CD38: variants seen among roughly 807,000 people sequenced by gnomAD.
CD38 encodes ADP-ribosyl cyclase/cyclic ADP-ribose hydrolase 1.
Under a neutral mutation model 36.3 loss-of-function variants are expected in CD38, and 31 were observed. The observed-to-expected ratio is 0.85, with a 90% CI of 0.64 to 1.15. The LOEUF (loss-of-function observed/expected upper bound fraction) is 1.15, where lower values mean the gene tolerates loss of function less well. Ranked by LOEUF, CD38 falls within the 50% of genes most tolerant of loss-of-function variation. The pLI is 0.00. For missense variants in CD38, 380 were observed against 371.9 expected (o/e 1.02, Z -0.18); for synonymous variants, 131 against 135.2 (o/e 0.97, Z 0.22).
At chr4:15,807,085 A>C (rs1723358718) in intron 1 of CD38, among the ~76,000 whole-genome samples, 1 of 152,178 alleles carries the variant, frequency 6.6e-6, no homozygotes, top group Admixed American at 6.5e-5. Flanking sequence ...TGCTCTCTGC[A>C]AGAAGGGAGG....
intron 1 of CD38, among the ~76,000 whole-genome samples, chr4:15,814,522 A>ATGT (rs1220933805): frequency 6.6e-6 from 1 of 152,150 alleles, no homozygotes; most frequent in East Asian, 1.9e-4. Context: ...GCCCATGCCT[A>ATGT]TGTCCTGAAT....
intron 7 of CD38, among the ~76,000 whole-genome samples, chr4:15,840,969 A>T (rs1281714851): frequency 6.6e-6 from 1 of 152,144 alleles, no homozygotes; most frequent in Non-Finnish European, 1.5e-5. Flanking sequence ...CCTTAGTTGG[A>T]TCTGAGTACA....
In CD38 at chr4:15,799,421, T is replaced by C. The variant is rs148010587; in HGVS notation, c.234-17090T>C. ...AAATTACTAATGCTTTGATATCCAA[T>C]AGAACATGTCTGCTTTCTGTTACGG... On this transcript the variant is annotated intron_variant, in intron 1 of 7. Transcript: ENST00000226279. Among the ~76,000 whole-genome samples, 15 of 152,328 alleles carry C rather than the reference T, an allele frequency of 9.8e-5. No homozygotes were observed. In the East Asian group the frequency reaches 2.3e-3, roughly 24 times the overall value.
intron 3 of CD38, chr4:15,826,157 A>C (rs1324781371): frequency 2.0e-5 from 3 of 152,202 alleles, no homozygotes. Context: ...GCATAAAAGC[A>C]AAAAGCAAAT....
chr4:15,810,338 C>T (rs1723441813), intron 1 of CD38, among the ~76,000 whole-genome samples: 1 of 152,150 alleles, frequency 6.6e-6, no homozygotes, highest in East Asian at 1.9e-4. Context: ...TGTAGGTGCT[C>T]AGTGCACATG....
chr4:15,816,529 T>C lies in CD38; in HGVS notation c.252T>C (p.Ser84=). The C allele has an allele frequency of 6.2e-7, 1 of 1,613,240 alleles. No homozygotes were observed. The highest frequency in any genetic ancestry group is 8.5e-7 in the Non-Finnish European group (1 of 1,179,262). Reference sequence around the variant, plus strand: ...ATCTCAGACATGTAGACTGCCAAAGTGTATGGGATGCTTTCAAGGGTGCAT... The same window carrying C: ...ATCTCAGACATGTAGACTGCCAAAGCGTATGGGATGCTTTCAAGGGTGCAT... ...HPEMRHVDCQ[S]VWDAFKGAFI... Residue 84 remains serine, a synonymous_variant, in exon 2 of 8, where the codon AGT becomes AGC. Transcript: ENST00000226279.
chr4:15,817,563 TA>T (rs1243513938), intron 2 of CD38, among the ~76,000 whole-genome samples: 1 of 152,072 alleles, frequency 6.6e-6, no homozygotes, highest in Non-Finnish European at 1.5e-5. Flanking sequence ...TTATCTCAGT[TA>T]ATTTCCCTAG....
rs115014413 is a variant in CD38, at chr4:15,784,452, C to T, written c.233+5805C>T. 4.5e-3 allele frequency among the ~76,000 whole-genome samples: 691 copies of T among 152,224 alleles called. 7 individuals are homozygous for T. The highest frequency in any genetic ancestry group is 0.016 in the African/African-American group (660 of 41,536). ...AGATTGGCCAATTGATTGACTAAAC[C>T]CTTAAAGGTTTGGGGATCTTGGGGA... is the stretch of plus-strand genomic sequence containing the variant. On this transcript the variant is annotated intron_variant, in intron 1 of 7. Transcript: ENST00000226279.
chr4:15,840,467 T>G lies in CD38; in HGVS notation c.768T>G (p.Asp256Glu), dbSNP rs201320129. ...GREDSRDLCQ[D>E]PTIKELESII... ...TCTTCCCCAGAGACTTATGCCAGGA[T>G]CCCACCATAAAAGAGCTGGAATCGA... is the stretch of plus-strand genomic sequence containing the variant. Residue 256 changes from aspartate (D) to glutamate (E), a missense_variant, in exon 7 of 8, where the codon GAT becomes GAG. Coordinates refer to ENST00000226279, the MANE Select transcript of CD38 (RefSeq NM_001775.4). The G allele has an allele frequency of 2.1e-4, 338 of 1,602,078 alleles. 4 individuals carry two copies. The South Asian group carries it at 3.4e-3, about 16-fold the overall frequency.
chr4:15,836,054 T>G (rs1239405964), intron 4 of CD38, among the ~76,000 whole-genome samples: 1 of 152,114 alleles, frequency 6.6e-6, no homozygotes, highest in Non-Finnish European at 1.5e-5. Context: ...AAAATTAAAC[T>G]TAGACATCTG....
intron 3 of CD38, among the ~76,000 whole-genome samples, chr4:15,828,176 G>C (rs1406741928): frequency 6.6e-6 from 1 of 151,866 alleles, no homozygotes; most frequent in Non-Finnish European, 1.5e-5. Context: ...CACCACACTT[G>C]GCTAATTTTT....
At chr4:15,833,053 C>T (rs1723990265) in intron 3 of CD38, among the ~76,000 whole-genome samples, 1 of 152,200 alleles carries the variant, frequency 6.6e-6, no homozygotes, top group African/African-American at 2.4e-5. Context: ...TGTTAATATT[C>T]CAAGGCCCAA....
At chr4:15,814,149 C>A (rs185203437) in intron 1 of CD38, among the ~76,000 whole-genome samples, 1 of 152,170 alleles carries the variant, frequency 6.6e-6, no homozygotes, top group Non-Finnish European at 1.5e-5. Flanking sequence ...TTCTAACTGG[C>A]GTGAGATGGT....
chr4:15,825,154 C>A, intron 3 of CD38, 138 bp downstream of exon 3: 1 of 739,314 alleles, frequency 1.4e-6, no homozygotes, highest in East Asian at 2.8e-5. Flanking sequence ...TTATATTAGT[C>A]CATTTGTGTT....
chr4:15,795,679 T>A (rs1379967948), intron 1 of CD38, among the ~76,000 whole-genome samples: 1 of 152,120 alleles, frequency 6.6e-6, no homozygotes, highest in African/African-American at 2.4e-5. Flanking sequence ...GCATAAGTAG[T>A]CTTACAGTTA....
chr4:15,818,978 A>G (rs1443100292), intron 2 of CD38, among the ~76,000 whole-genome samples: 2 of 152,218 alleles, frequency 1.3e-5, no homozygotes, highest in Non-Finnish European at 2.9e-5. Context: ...CACATCTCCA[A>G]CAAGGGCATA....
intron 1 of CD38, among the ~76,000 whole-genome samples, chr4:15,784,073 T>C (rs1400065882): frequency 2.0e-5 from 3 of 152,174 alleles, no homozygotes; most frequent in African/African-American, 7.2e-5. Context: ...CGCAACACCA[T>C]GTGATCTGTA....
intron 1 of CD38, among the ~76,000 whole-genome samples, chr4:15,786,268 A>T (rs558276679): frequency 2.6e-5 from 4 of 152,296 alleles, no homozygotes; most frequent in African/African-American, 9.6e-5. Context: ...CCCCACCCAC[A>T]TCCTGCTGAT....
intron 2 of CD38, among the ~76,000 whole-genome samples, chr4:15,822,790 A>G (rs1177451904): frequency 6.6e-6 from 1 of 152,224 alleles, no homozygotes. Context: ...TGCTATTCCC[A>G]TTAAACTACT....
Sources: gnomAD v4.1 joint callset for allele counts (sites outside exome capture counted in the v4.1 genomes callset) on GRCh38, gnomAD v4.1.1 for gene constraint, MANE v1.5 for transcripts, NCBI Gene and HGNC (gene_info 2026-07-23, HGNC 2026-07-21) for gene names.